USP15: variants seen among roughly 807,000 people sequenced by gnomAD.
USP15 encodes the protein ubiquitin carboxyl-terminal hydrolase 15.
A neutral mutation model predicts 127.1 loss-of-function variants in USP15; 18 were observed. The ratio of observed to expected loss-of-function variants is 0.14; its 90% confidence interval spans 0.10 to 0.21. The LOEUF (loss-of-function observed/expected upper bound fraction) is 0.21. Ranked by LOEUF, USP15 falls within the 10% of genes least tolerant of loss-of-function variation. The probability of loss-of-function intolerance (pLI) is 1.00; values close to 1 mark genes in which losing one functional copy is unlikely to be tolerated. For synonymous variants in USP15, 364 were observed against 393.7 expected, an observed-to-expected ratio of 0.92 and a Z score of 0.89; for missense variants, 805 against 1,159.9, an observed-to-expected ratio of 0.69 and a Z score of 4.44.
chr12:62,269,641 G>C (rs1219866168), intron 1 of USP15, among the ~76,000 whole-genome samples: 1 of 151,884 alleles, frequency 6.6e-6, no homozygotes, highest in Non-Finnish European at 1.5e-5. Flanking sequence ...GGCTGGTCTT[G>C]AACTCCTGGC....
intron 8 of USP15, among the ~76,000 whole-genome samples, chr12:62,372,581 GA>G: frequency 6.6e-6 from 1 of 152,106 alleles, no homozygotes; most frequent in East Asian, 1.9e-4. Flanking sequence ...TGCCTTTGCA[GA>G]AGAACTAAGA....
At chr12:62,296,588 G>A (rs776682452) in intron 2 of USP15, among the ~76,000 whole-genome samples, 1 of 152,120 alleles carries the variant, frequency 6.6e-6, no homozygotes, top group Non-Finnish European at 1.5e-5. Context: ...AGTGATGTCA[G>A]CAGGATGATA....
chr12:62,320,370 T>G (rs1354593843), intron 4 of USP15, among the ~76,000 whole-genome samples: 1 of 152,168 alleles, frequency 6.6e-6, no homozygotes, highest in Non-Finnish European at 1.5e-5. Flanking sequence ...ACCATGATTG[T>G]AAGTTTCCTG....
At chr12:62,297,920 A>G (rs1409330746) in intron 2 of USP15, among the ~76,000 whole-genome samples, 1 of 152,324 alleles carries the variant, frequency 6.6e-6, no homozygotes, top group East Asian at 1.9e-4. Context: ...CAACTTAACA[A>G]AACAAGAAAA....
intron 3 of USP15, chr12:62,303,357 A>T (rs986936429): frequency 1.3e-5 from 2 of 152,690 alleles, no homozygotes; most frequent in Non-Finnish European, 2.9e-5. Flanking sequence ...GAAAATGTAG[A>T]TTTTTTTTCA....
chr12:62,391,853 G>GA lies in USP15; in HGVS notation c.2278dup (p.Arg760LysfsTer4). On this transcript the variant is annotated frameshift_variant, in exon 17 of 22. Coordinates refer to ENST00000280377, the MANE Select transcript of USP15 (RefSeq NM_001252078.2). LOFTEE classifies it high-confidence loss of function. ...TTGCTTTGGATTGGGATCCTGATTT[G>GA]AAAAAAAGATATTTTGATGAAAATG... 1 of 1,608,720 alleles carries GA rather than the reference G, an allele frequency of 6.2e-7. No homozygotes were observed. The highest frequency in any genetic ancestry group is 1.1e-5 in the South Asian group (1 of 90,250).
intron 6 of USP15, among the ~76,000 whole-genome samples, chr12:62,342,262 G>A (rs2065669538): frequency 6.6e-6 from 1 of 151,978 alleles, no homozygotes; most frequent in Non-Finnish European, 1.5e-5. Context: ...AGTTCCATCA[G>A]GCCATTTATG....
intron 8 of USP15, among the ~76,000 whole-genome samples, chr12:62,362,538 A>G (rs967889374): frequency 1.1e-4 from 17 of 152,154 alleles, no homozygotes; most frequent in African/African-American, 2.9e-4. Flanking sequence ...TCATCCTTCA[A>G]TGACAAAGTT....
chr12:62,290,380 T>G (rs954909108), intron 1 of USP15, among the ~76,000 whole-genome samples: 2 of 152,208 alleles, frequency 1.3e-5, no homozygotes, highest in African/African-American at 4.8e-5. Context: ...GTGTATTTTT[T>G]TACTGTTTTT....
intron 3 of USP15, chr12:62,314,153 G>A: frequency 2.7e-6 from 1 of 369,584 alleles, no homozygotes; most frequent in Non-Finnish European, 3.7e-6. Context: ...ATTACTAAGT[G>A]TGTAGTTAAA....
intron 3 of USP15, chr12:62,304,977 T>G (rs1019028486): frequency 2.0e-5 from 4 of 201,928 alleles, no homozygotes; most frequent in African/African-American, 9.4e-5. Flanking sequence ...AGAGAAAATT[T>G]GTAAACTAAA....
At chr12:62,291,754 T>C (rs2063976233) in intron 1 of USP15, among the ~76,000 whole-genome samples, 1 of 152,084 alleles carries the variant, frequency 6.6e-6, no homozygotes, top group African/African-American at 2.4e-5. Context: ...TGGCAAAGAC[T>C]CTATATGAAT....
intron 8 of USP15, among the ~76,000 whole-genome samples, chr12:62,366,428 T>C (rs1404423978): frequency 1.3e-5 from 2 of 152,224 alleles, no homozygotes; most frequent in South Asian, 2.1e-4. Context: ...TGAAGTTGCT[T>C]ATCAGGTTAA....
chr12:62,385,629 A>G (rs529568595), intron 11 of USP15, among the ~76,000 whole-genome samples: 71 of 152,138 alleles, frequency 4.7e-4, no homozygotes, highest in Middle Eastern at 3.4e-3. Flanking sequence ...GAGCAGAGCC[A>G]ATAAAGACCT....
intron 20 of USP15, among the ~76,000 whole-genome samples, chr12:62,400,556 C>T (rs114912965): frequency 6.7e-6 from 1 of 150,004 alleles, no homozygotes; most frequent in Middle Eastern, 3.2e-3. Context: ...GACGCAGAAC[C>T]CATGTATGCA....
chr12:62,391,137 T>A lies in USP15; in HGVS notation c.1961-20T>A, dbSNP rs1480097148. 6.3e-7 allele frequency: 1 copy of A among 1,592,074 alleles called. No homozygotes were observed. The highest frequency in any genetic ancestry group is 8.5e-7 in the Non-Finnish European group (1 of 1,174,740). ...ATATAGCATTGGGTTTATTTAAAGC[T>A]CTCTAATATCTAAAATTAGGTGAAA... On this transcript the variant is annotated intron_variant, in intron 15 of 21. Coordinates refer to ENST00000280377, the MANE Select transcript of USP15 (RefSeq NM_001252078.2).
chr12:62,294,193 G>A lies in USP15; in HGVS notation c.104G>A (p.Ser35Asn), dbSNP rs769662589. Residue 35 changes from serine (S) to asparagine (N), a missense_variant, in exon 2 of 22, where the codon AGT becomes AAT. Ser to Asn is a conservative substitution (Grantham distance 46). This residue lies in a region of USP15 where 69 missense variants were observed against 126.4 expected (regional missense o/e 0.55). Coordinates refer to ENST00000280377, the MANE Select transcript of USP15 (RefSeq NM_001252078.2). ...RKGDTWYLVD[S>N]RWFKQWKKYV... ...TTATTTTTTAGGTACCTAGTCGATA[G>A]TCGCTGGTTCAAACAGTGGAAAAAA... The A allele has an allele frequency of 1.2e-6, 2 of 1,613,088 alleles. No homozygotes were observed. Among genetic ancestry groups the A allele is most frequent in the Admixed American group, 1.7e-5 (1 of 59,812 alleles).
In USP15 at chr12:62,314,860, A is replaced by T; in HGVS notation, c.419A>T (p.Glu140Val). 1 of 1,599,284 alleles carries T rather than the reference A, an allele frequency of 6.3e-7. No homozygotes were observed. The highest frequency in any genetic ancestry group is 8.5e-7 in the Non-Finnish European group (1 of 1,172,820). Residue 140 changes from glutamate to valine, a missense_variant, in exon 4 of 22, where the codon GAA (glutamate) becomes GTA (valine). By Grantham distance (121) the Glu-to-Val change is moderately radical. Around this residue, in one of 11 missense-constraint regions of USP15, gnomAD observed 57 missense variants for 47.3 expected, o/e 1.20. Transcript: ENST00000280377. ...TATCTCACAGAATTGAAGCTATGTGAAAATGGAAACATGAATAATGTTGTA... is the reference window on the plus strand; with the variant it reads ...TATCTCACAGAATTGAAGCTATGTGTAAATGGAAACATGAATAATGTTGTA... ...EVYLTELKLC[E>V]NGNMNNVVTR... is the part of the protein sequence containing the mutation.
chr12:62,379,117 G>T (rs921856357), intron 8 of USP15, among the ~76,000 whole-genome samples: 4 of 151,296 alleles, frequency 2.6e-5, no homozygotes, highest in Non-Finnish European at 5.9e-5. Flanking sequence ...GAAACATACA[G>T]GAGAAAACAC....
Sources: allele counts gnomAD v4.1 joint callset (sites outside exome capture counted in the v4.1 genomes callset), GRCh38; gene constraint gnomAD v4.1.1; regional missense constraint gnomAD v4.1.1; transcripts MANE v1.5; gene names NCBI Gene and HGNC (gene_info 2026-07-23, HGNC 2026-07-21).